Variants in LPCAT2 observed in about 807,000 individuals in gnomAD.
LPCAT2 encodes lysophosphatidylcholine acyltransferase 2.
In LPCAT2, 58 loss-of-function variants were observed where a neutral mutation model predicts 64.7. That is an observed-to-expected ratio of 0.90 (90% CI 0.73 to 1.12). The LOEUF (loss-of-function observed/expected upper bound fraction) is 1.12. Among genes scored for constraint, LPCAT2 ranks in the 50% most tolerant of loss-of-function variants. The pLI, the probability that LPCAT2 is intolerant of heterozygous loss-of-function variation, is 0.00. For missense variants in LPCAT2, 579 were observed against 669.8 expected, an observed-to-expected ratio of 0.86 and a Z score of 1.50; for synonymous variants, 252 against 245.3, an observed-to-expected ratio of 1.03 and a Z score of -0.26.
intron 1 of LPCAT2, among the ~76,000 whole-genome samples, chr16:55,523,447 G>A (rs987980714): frequency 3.3e-5 from 5 of 151,756 alleles, no homozygotes; most frequent in Middle Eastern, 3.4e-3. Context: ...TATTTTTAGT[G>A]AAATGAAAAT....
Position 55,509,209 on chromosome 16 carries a change from G to T in LPCAT2, c.28G>T (p.Val10Leu), listed in dbSNP as rs1361254716. Residue 10 changes from valine (V) to leucine (L), a missense_variant, in exon 1 of 14, where the codon GTG (valine) becomes TTG (leucine). Physicochemically the swap from Val to Leu is conservative, Grantham distance 32 (BLOSUM62 1). Transcript: ENST00000262134. MSRCAQAAEVAATVPGAGVG... is the reference protein window; with the variant it reads MSRCAQAAELAATVPGAGVG... ...GAGCCGGTGCGCCCAGGCGGCGGAA[G>T]TGGCGGCCACAGTGCCAGGTGCCGG... 1 of 1,417,716 alleles carries T rather than the reference G, an allele frequency of 7.1e-7. No homozygotes were observed. The highest frequency in any genetic ancestry group is 1.5e-5 in the African/African-American group (1 of 67,752). 87.8% of individuals were successfully genotyped at this position (1,417,716 alleles called of 1,614,324 possible). A position where few individuals can be genotyped will look rare whatever the true frequency, so the allele number is the denominator to read the frequency against.
intron 12 of LPCAT2, among the ~76,000 whole-genome samples, chr16:55,577,206 T>G (rs1156372209): frequency 2.0e-5 from 3 of 152,216 alleles, no homozygotes; most frequent in African/African-American, 7.2e-5. Context: ...AGCCAGAGCT[T>G]TGTCTGCTGG....
chr16:55,554,540 G>T (rs1262483712), intron 11 of LPCAT2, among the ~76,000 whole-genome samples: 1 of 152,200 alleles, frequency 6.6e-6, no homozygotes, highest in African/African-American at 2.4e-5. Context: ...TTAACAAAAT[G>T]TTGTGGCTTT....
At chr16:55,553,629 C>T (rs1309149831) in intron 11 of LPCAT2, among the ~76,000 whole-genome samples, 5 of 152,214 alleles carry the variant, frequency 3.3e-5, no homozygotes, top group African/African-American at 1.2e-4. Flanking sequence ...TAATTGGCTT[C>T]TTCCAAACTC....
rs113146409 is a variant in LPCAT2 at position 55,538,060 on chromosome 16, C to T, written c.852+428C>T. On this transcript the variant is annotated intron_variant, in intron 8 of 13. Coordinates refer to ENST00000262134, the MANE Select transcript of LPCAT2 (RefSeq NM_017839.5). ...CAGAAGCCTTCACTGTGAAATCACC[C>T]TGCACATGAAAAGCCCAAGGAAATT... The T allele has an allele frequency of 8.4e-3, 1,316 of 156,046 alleles. 11 individuals are homozygous for T. Among genetic ancestry groups the T allele is most frequent in the Non-Finnish European group, 0.013 (932 of 70,214 alleles). 9.7% of individuals were successfully genotyped at this position (156,046 alleles called of 1,614,324 possible).
At chr16:55,554,150 G>A (rs905844632) in intron 11 of LPCAT2, among the ~76,000 whole-genome samples, 1 of 152,122 alleles carries the variant, frequency 6.6e-6, no homozygotes, top group Non-Finnish European at 1.5e-5. Context: ...AGAATGGCAA[G>A]TGAGCATTGA....
intron 1 of LPCAT2, among the ~76,000 whole-genome samples, chr16:55,524,162 A>G (rs1410569051): frequency 1.3e-5 from 2 of 152,032 alleles, no homozygotes; most frequent in Non-Finnish European, 3.0e-5. Flanking sequence ...AATAGCCCAC[A>G]ATTGGAAACA....
At chr16:55,580,899 A>G (rs1229528945) in intron 13 of LPCAT2, among the ~76,000 whole-genome samples, 5 of 152,128 alleles carry the variant, frequency 3.3e-5, no homozygotes, top group East Asian at 1.9e-4. Context: ...TGAGAATCCA[A>G]TGCTTGATGA....
intron 1 of LPCAT2, among the ~76,000 whole-genome samples, chr16:55,513,023 G>T (rs1489257737): frequency 6.6e-6 from 1 of 152,120 alleles, no homozygotes; most frequent in Non-Finnish European, 1.5e-5. Flanking sequence ...ACAGAATCCA[G>T]AATATCTGTA....
chr16:55,525,723 C>T (rs1963161728), intron 2 of LPCAT2, 76 bp downstream of exon 2: 1 of 1,135,096 alleles, frequency 8.8e-7, no homozygotes, highest in African/African-American at 1.6e-5. Flanking sequence ...AAGAAGAGTT[C>T]ATCATAGTTT....
chr16:55,576,064 T>C (rs1410176886), intron 12 of LPCAT2, among the ~76,000 whole-genome samples: 3 of 152,194 alleles, frequency 2.0e-5, no homozygotes, highest in Non-Finnish European at 4.4e-5. Flanking sequence ...AGACCTGATA[T>C]AAAATTTGGC....
chr16:55,538,564 T>C (rs1963352512), intron 8 of LPCAT2: 2 of 152,056 alleles, frequency 1.3e-5, no homozygotes, highest in African/African-American at 4.8e-5. Context: ...GAATGAGTTT[T>C]GTGAAATTTT....
At position 55,550,316 on chromosome 16, in the gene LPCAT2, G is replaced by A. The variant is rs115581813; in HGVS notation, c.1062-633G>A. Among the ~76,000 whole-genome samples the A allele has an allele frequency of 3.2e-3, 485 of 152,226 alleles. 3 individuals carry two copies. Among genetic ancestry groups the A allele is most frequent in the African/African-American group, 0.011 (458 of 41,528 alleles). ...GTACATTTTCCAGTGTTTTATCACC[G>A]TAGTTTTTCATAACTAATCTTGGAG... On this transcript the variant is annotated intron_variant, in intron 10 of 13. Transcript: ENST00000262134.
chr16:55,528,632 A>G, intron 3 of LPCAT2, 38 bp downstream of exon 3: 1 of 1,442,928 alleles, frequency 6.9e-7, no homozygotes, highest in Non-Finnish European at 9.7e-7. Context: ...AAATATTTTC[A>G]TGCTCATGCT....
chr16:55,575,104 T>C (rs1963813116), intron 12 of LPCAT2, among the ~76,000 whole-genome samples: 1 of 152,182 alleles, frequency 6.6e-6, no homozygotes, highest in African/African-American at 2.4e-5. Flanking sequence ...TCTATCGTTA[T>C]TTTCTCATTC....
chr16:55,582,892 ATTT>A lies in LPCAT2; in HGVS notation c.1451-16_1451-14del. The A allele has an allele frequency of 6.5e-7, 1 of 1,529,442 alleles. No individual in the cohort carries two copies. Among genetic ancestry groups the A allele is most frequent in the Non-Finnish European group, 9.0e-7 (1 of 1,114,394 alleles). The allele number at this position is 1,529,442 out of a possible 1,614,324, so 94.7% of individuals were successfully genotyped here. On this transcript the variant is annotated intron_variant, in intron 13 of 13. Coordinates refer to ENST00000262134, the MANE Select transcript of LPCAT2 (RefSeq NM_017839.5). ...AAGAAGATTCACCCCAACTTATTGG[ATTT>A]TTTTTCTTTCTCTTCTAGAGGAATT...
At chr16:55,550,242 T>C (rs1423110478) in intron 10 of LPCAT2, among the ~76,000 whole-genome samples, 2 of 152,222 alleles carry the variant, frequency 1.3e-5, no homozygotes, top group African/African-American at 4.8e-5. Flanking sequence ...ATATGTTAGG[T>C]CATTAGTTTA....
In LPCAT2 at chr16:55,514,891, T is replaced by G. The variant is rs1962986775; in HGVS notation, c.171+5539T>G. 2.9e-4 allele frequency among the ~76,000 whole-genome samples: 5 copies of G among 17,290 alleles called. No homozygotes were observed. The South Asian group carries it at 6.1e-3, about 21-fold the overall frequency. The allele number at this position is 17,290 out of a possible 152,430, so 11.3% of individuals were successfully genotyped here. On this transcript the variant is annotated intron_variant, in intron 1 of 13. Transcript: ENST00000262134. The stretch of plus-strand genomic sequence containing the variant: ...GAATATCAATAAAGATGCAATGCAT[T>G]GTGTGTGTGTGTGTGTGTGTGTGTG...
intron 13 of LPCAT2, among the ~76,000 whole-genome samples, chr16:55,580,241 T>G (rs775214782): frequency 6.6e-6 from 1 of 152,178 alleles, no homozygotes; most frequent in Non-Finnish European, 1.5e-5. Flanking sequence ...CTAGGGCACT[T>G]AATCTATTGA....
Sources: allele counts gnomAD v4.1 joint callset (sites outside exome capture counted in the v4.1 genomes callset), GRCh38; gene constraint gnomAD v4.1.1; transcripts MANE v1.5; gene names NCBI Gene and HGNC (gene_info 2026-07-23, HGNC 2026-07-21).